Variants in SCAF11 observed in about 807,000 individuals in gnomAD.
The protein encoded by SCAF11 is SR-related CTD associated factor 11, also known as protein SCAF11.
A neutral mutation model predicts 140.5 loss-of-function variants in SCAF11; 47 were observed. The observed-to-expected ratio is 0.33, with a 90% CI of 0.26 to 0.43. The LOEUF (loss-of-function observed/expected upper bound fraction) is 0.43. SCAF11 is among the 20% of genes least tolerant of loss of function. SCAF11 has a pLI of 1.00. For missense variants in SCAF11, 1,645 were observed against 1,705.1 expected (o/e 0.96, Z 0.62); for synonymous variants, 557 against 579.4 (o/e 0.96, Z 0.55).
At chr12:45,961,620 T>C in intron 3 of SCAF11, 80 bp downstream of exon 3, 1 of 1,152,074 alleles carries the variant, frequency 8.7e-7, no homozygotes, top group East Asian at 2.5e-5. Context: ...TGTGAAATAA[T>C]TTATGAAAGG....
chr12:45,962,885 A>G (rs1945860503), intron 2 of SCAF11, among the ~76,000 whole-genome samples: 1 of 152,250 alleles, frequency 6.6e-6, no homozygotes. Context: ...AATTTATCAA[A>G]TGTAAGCTCA....
chr12:45,990,099 G>C (rs1204593935), intron 1 of SCAF11, among the ~76,000 whole-genome samples: 1 of 151,986 alleles, frequency 6.6e-6, no homozygotes, highest in Non-Finnish European at 1.5e-5. Context: ...CGGCGGCCCA[G>C]GGCCGGGCCG....
Position 45,952,590 on chromosome 12 carries a change from CATT to C in SCAF11, c.220-866_220-864del, listed in dbSNP as rs938362352. The stretch of plus-strand genomic sequence containing the variant: ...AAGTGATACTATGATTATAAGTCAA[CATT>C]ATCTTGCTTTATTTCCTGTCCTTTT... On this transcript the variant is annotated intron_variant, in intron 3 of 14. Coordinates refer to ENST00000369367, the MANE Select transcript of SCAF11 (RefSeq NM_004719.3). Among the ~76,000 whole-genome samples, 36 of 152,252 alleles carry C rather than the reference CATT, an allele frequency of 2.4e-4. 2 individuals carry two copies. In the South Asian group the frequency reaches 6.4e-3, roughly 27 times the overall value.
chr12:45,979,236 C>G (rs532002093), intron 1 of SCAF11, among the ~76,000 whole-genome samples: 16 of 151,212 alleles, frequency 1.1e-4, no homozygotes, highest in African/African-American at 3.9e-4. Context: ...TCCTAAAAGC[C>G]CCACCACTTA....
At chr12:45,988,793 C>T (rs1211390037) in intron 1 of SCAF11, among the ~76,000 whole-genome samples, 2 of 152,156 alleles carry the variant, frequency 1.3e-5, no homozygotes, top group African/African-American at 2.4e-5. Flanking sequence ...AAAAAGTTCA[C>T]TATCTGAATG....
At chr12:45,954,919 T>C (rs1945647809) in intron 3 of SCAF11, 1 of 140,100 alleles carries the variant, frequency 7.1e-6, no homozygotes, top group African/African-American at 2.5e-5. Context: ...CAAAAAACAG[T>C]TCTGAGTAAG....
chr12:45,922,898 T>C (rs1565654725), intron 13 of SCAF11, 38 bp downstream of exon 13: 1 of 1,565,534 alleles, frequency 6.4e-7, no homozygotes, highest in Non-Finnish European at 8.8e-7. Flanking sequence ...CTTTATCATA[T>C]ACAGAATTAT....
chr12:45,987,190 G>A (rs936185308), intron 1 of SCAF11, among the ~76,000 whole-genome samples: 1 of 152,146 alleles, frequency 6.6e-6, no homozygotes, highest in African/African-American at 2.4e-5. Context: ...TGAGAGCTGT[G>A]ATCACACCAC....
At chr12:45,971,493 A>G (rs1946071391) in intron 1 of SCAF11, among the ~76,000 whole-genome samples, 1 of 152,238 alleles carries the variant, frequency 6.6e-6, no homozygotes, top group Non-Finnish European at 1.5e-5. Flanking sequence ...ATGCATCATC[A>G]AACTGTCAGT....
chr12:45,976,736 A>C (rs1451446030), intron 1 of SCAF11, among the ~76,000 whole-genome samples: 1 of 152,232 alleles, frequency 6.6e-6, no homozygotes, highest in East Asian at 1.9e-4. Flanking sequence ...TATAGTATTA[A>C]ATTTCTTCTA....
chr12:45,962,104 G>A (rs184205544), intron 2 of SCAF11, among the ~76,000 whole-genome samples: 60 of 152,028 alleles, frequency 3.9e-4, no homozygotes, highest in South Asian at 8.3e-4. Flanking sequence ...ATATTCACAC[G>A]GATCAAAAAT....
chr12:45,985,038 C>T (rs1348857564), intron 1 of SCAF11, among the ~76,000 whole-genome samples: 1 of 152,200 alleles, frequency 6.6e-6, no homozygotes. Flanking sequence ...TCACCTTGTA[C>T]TTTCCCTGCC....
At chr12:45,974,710 A>T (rs1946193215) in intron 1 of SCAF11, 1 of 159,632 alleles carries the variant, frequency 6.3e-6, no homozygotes, top group East Asian at 1.8e-4. Flanking sequence ...CTTCCTCCAC[A>T]CAAGTTTTGA....
intron 3 of SCAF11, among the ~76,000 whole-genome samples, chr12:45,953,009 T>C (rs1945587781): frequency 6.6e-6 from 1 of 152,224 alleles, no homozygotes; most frequent in Non-Finnish European, 1.5e-5. Context: ...CAAGTCACTT[T>C]GGGAGCAGCC....
chr12:45,958,458 C>A (rs1219335415), intron 3 of SCAF11, among the ~76,000 whole-genome samples: 1 of 152,168 alleles, frequency 6.6e-6, no homozygotes, highest in Non-Finnish European at 1.5e-5. Context: ...ATATACATTT[C>A]ATCAGTTCAA....
chr12:45,930,231 C>T (rs1373130898), intron 10 of SCAF11, among the ~76,000 whole-genome samples: 1 of 152,110 alleles, frequency 6.6e-6, no homozygotes, highest in Non-Finnish European at 1.5e-5. Context: ...CTTATAAAGC[C>T]ATAATTTTGC....
In SCAF11 at chr12:45,928,320, T is replaced by C. The variant is rs2136511297; in HGVS notation, c.1381A>G (p.Thr461Ala). ...CTTTCCTCTGTATCATAATTTGCAG[T>C]ATGCTTCTCACTTTCTTCTATTTGC... ...NEQIEESEKHTANYDTEERVG... is the reference protein window; with the variant it reads ...NEQIEESEKHAANYDTEERVG... Residue 461 changes from threonine to alanine, a missense_variant, in exon 11 of 15, where the codon ACT (threonine) becomes GCT (alanine). Physicochemically the swap from Thr to Ala is moderately conservative, Grantham distance 58. Around this residue, in one of 2 missense-constraint regions of SCAF11, gnomAD observed 1,582 missense variants for 1,609.2 expected, o/e 0.98. Transcript: ENST00000369367. The C allele has an allele frequency of 6.2e-7, 1 of 1,614,038 alleles. No individual in the cohort carries two copies. The highest frequency in any genetic ancestry group is 1.1e-5 in the South Asian group (1 of 91,032).
intron 3 of SCAF11, chr12:45,953,856 T>C: frequency 1.0e-6 from 1 of 991,742 alleles, no homozygotes; most frequent in South Asian, 1.4e-5. Flanking sequence ...AATAAATAAT[T>C]CCTAGAAGAA....
intron 1 of SCAF11, among the ~76,000 whole-genome samples, chr12:45,985,531 T>C (rs780641480): frequency 6.6e-6 from 1 of 152,150 alleles, no homozygotes; most frequent in Admixed American, 6.6e-5. Context: ...GACCCAGCTA[T>C]AGATACTTAG....
Sources: gnomAD v4.1 joint callset for allele counts (sites outside exome capture counted in the v4.1 genomes callset) on GRCh38, gnomAD v4.1.1 for gene constraint, gnomAD v4.1.1 regional missense constraint, MANE v1.5 for transcripts, NCBI Gene and HGNC (gene_info 2026-07-23, HGNC 2026-07-21) for gene names.